Variants in SFTPD observed in about 807,000 individuals in gnomAD.
SFTPD encodes surfactant protein D.
Under a neutral mutation model 34.6 loss-of-function variants are expected in SFTPD, and 18 were observed. The observed-to-expected ratio is 0.52, with a 90% CI of 0.36 to 0.77. The LOEUF is 0.77. SFTPD is among the 30% of genes least tolerant of loss of function. The pLI is 0.00. For synonymous variants in SFTPD, 155 were observed against 180.9 expected, an observed-to-expected ratio of 0.86 and a Z score of 1.15; for missense variants, 433 against 468.9, an observed-to-expected ratio of 0.92 and a Z score of 0.71.
At chr10:79,943,885 AC>A (rs1029299356) in intron 2 of SFTPD, among the ~76,000 whole-genome samples, 40 of 152,324 alleles carry the variant, frequency 2.6e-4, no homozygotes, top group Non-Finnish European at 2.9e-4. Context: ...CTTGGGCTTC[AC>A]CCAGGCCAAG....
chr10:79,939,095 C>T (rs907119898), intron 7 of SFTPD, among the ~76,000 whole-genome samples: 4 of 152,202 alleles, frequency 2.6e-5, no homozygotes, highest in African/African-American at 7.2e-5. Flanking sequence ...AAAGCTGTTG[C>T]GTGGGCAAGG....
At chr10:79,969,434 AC>A in intron 1 of SFTPD, 1 of 150,412 alleles carries the variant, frequency 6.6e-6, no homozygotes, top group Non-Finnish European at 1.5e-5. Flanking sequence ...AGATTGCATC[AC>A]TGCACCCCAG....
Position 79,942,841 on chromosome 10 carries a change from G to T in SFTPD, c.238C>A (p.Gln80Lys). ...GAAGQAGMPGQAGPVGPKGDN... is the reference protein window; with the variant it reads ...GAAGQAGMPGKAGPVGPKGDN... ...CCTTTGGGCCCAACTGGGCCAGCTT[G>T]TCCAGGCATCCCTGCTTGCCCTGCA... The change falls in exon 3 of 8, where the codon CAA becomes AAA. Residue 80 changes from glutamine to lysine, a missense_variant. Transcript: ENST00000372292. 2 of 1,614,036 alleles carry T rather than the reference G, an allele frequency of 1.2e-6. No homozygotes were observed. The highest frequency in any genetic ancestry group is 1.7e-6 in the Non-Finnish European group (2 of 1,179,898).
chr10:79,976,093 G>A (rs1842862923), intron 1 of SFTPD, among the ~76,000 whole-genome samples: 1 of 152,208 alleles, frequency 6.6e-6, no homozygotes, highest in African/African-American at 2.4e-5. Flanking sequence ...ACACAGAAGT[G>A]GTGGGCTATA....
At chr10:79,953,786 A>G (rs1031828442), upstream of SFTPD, among the ~76,000 whole-genome samples, 1 of 152,126 alleles carries the variant, frequency 6.6e-6, no homozygotes, top group Admixed American at 6.5e-5. Context: ...CACCCATAAT[A>G]CACAGAAAGG....
At chr10:79,972,096 C>T (rs1242340004) in intron 1 of SFTPD, 4 of 152,170 alleles carry the variant, frequency 2.6e-5, no homozygotes, top group African/African-American at 7.2e-5. Flanking sequence ...TACACCAATT[C>T]AGGCCTCCTC....
At chr10:79,938,913 T>A (rs1410120153) in intron 7 of SFTPD, among the ~76,000 whole-genome samples, 2 of 152,104 alleles carry the variant, frequency 1.3e-5, no homozygotes, top group Non-Finnish European at 2.9e-5. Context: ...GAGGAGAGCA[T>A]CTGAAGGGCA....
chr10:79,963,635 C>A (rs1022302032), intron 1 of SFTPD, among the ~76,000 whole-genome samples: 41 of 152,088 alleles, frequency 2.7e-4, no homozygotes, highest in Non-Finnish European at 8.8e-5. Flanking sequence ...TTTGGATTTT[C>A]ACTTCTCTAA....
At chr10:79,944,183 A>G (rs1842643073) in intron 2 of SFTPD, among the ~76,000 whole-genome samples, 1 of 151,836 alleles carries the variant, frequency 6.6e-6, no homozygotes, top group Admixed American at 6.6e-5. Flanking sequence ...GCTTCCATTC[A>G]CTCACTCCAT....
At chr10:79,956,386 A>G (rs1842738143) in intron 1 of SFTPD, among the ~76,000 whole-genome samples, 1 of 152,238 alleles carries the variant, frequency 6.6e-6, no homozygotes, top group Non-Finnish European at 1.5e-5. Context: ...GGGGTCAGGG[A>G]GTTCCCTTTC....
intron 7 of SFTPD, among the ~76,000 whole-genome samples, chr10:79,939,685 A>T (rs1842592979): frequency 6.6e-6 from 1 of 152,220 alleles, no homozygotes; most frequent in Non-Finnish European, 1.5e-5. Context: ...GCAGAAAGAG[A>T]TATATACCAA....
In SFTPD at chr10:79,946,525, ACT is replaced by A. The variant is rs1213640772; in HGVS notation, c.133_134del (p.Ser45TrpfsTer120). The A allele has an allele frequency of 1.2e-6, 2 of 1,613,650 alleles. No homozygotes were observed. The highest frequency in any genetic ancestry group is 2.7e-5 in the African/African-American group (2 of 74,814). On this transcript the variant is annotated frameshift_variant, in exon 2 of 8. Transcript: ENST00000372292. LOFTEE classifies it high-confidence loss of function. The stretch of plus-strand genomic sequence containing the variant: ...CCCGTCCATCGCGACCAGGCAGGCC[ACT>A]CTCCACTGAGCTACACATGACCAGG... The part of the protein sequence containing the change: ...CTLVMCSSVE[S>X]GLPGRDGRDG...
At chr10:79,980,621 GAGAA>G (rs1464499353) in intron 1 of SFTPD, among the ~76,000 whole-genome samples, 1 of 152,222 alleles carries the variant, frequency 6.6e-6, no homozygotes, top group African/African-American at 2.4e-5. Context: ...TCAGCATGGA[GAGAA>G]AGACTTTGTC....
intron 2 of SFTPD, among the ~76,000 whole-genome samples, chr10:79,945,827 G>A (rs17883490): frequency 0.013 from 1,977 of 152,260 alleles, 48 homozygotes; most frequent in African/African-American, 0.045. Flanking sequence ...CAGAGCCTTC[G>A]TCCTTTCCAC....
chr10:79,939,433 C>T (rs1017775873), intron 7 of SFTPD, among the ~76,000 whole-genome samples: 1 of 152,208 alleles, frequency 6.6e-6, no homozygotes, highest in African/African-American at 2.4e-5. Flanking sequence ...ATGTGCCATG[C>T]ACATATGTGG....
At chr10:79,962,932 A>G (rs1422916878) in intron 1 of SFTPD, among the ~76,000 whole-genome samples, 1 of 152,220 alleles carries the variant, frequency 6.6e-6, no homozygotes, top group African/African-American at 2.4e-5. Context: ...CATGAAAAGT[A>G]TTACAATAAA....
At chr10:79,972,967 A>T (rs1245971149) in intron 1 of SFTPD, 1 of 152,308 alleles carries the variant, frequency 6.6e-6, no homozygotes, top group Middle Eastern at 3.4e-3. Context: ...TTCACTCTCC[A>T]TCTCTCAAGG....
chr10:79,976,910 T>A (rs1295886122), intron 1 of SFTPD, among the ~76,000 whole-genome samples: 1 of 152,206 alleles, frequency 6.6e-6, no homozygotes, highest in East Asian at 1.9e-4. Flanking sequence ...TGATAGTGTA[T>A]AAGTCTCATG....
chr10:79,975,643 G>C (rs1434989392), intron 1 of SFTPD, among the ~76,000 whole-genome samples: 1 of 152,150 alleles, frequency 6.6e-6, no homozygotes, highest in African/African-American at 2.4e-5. Flanking sequence ...CACACACACA[G>C]AAACAGAATT....
Sources: gnomAD v4.1 joint callset for allele counts (sites outside exome capture counted in the v4.1 genomes callset) on GRCh38, gnomAD v4.1.1 for gene constraint, MANE v1.5 for transcripts, NCBI Gene and HGNC (gene_info 2026-07-23, HGNC 2026-07-21) for gene names.